The following RABGEF1 variants were observed in gnomAD, a reference collection of about 807,000 sequenced individuals.
The protein encoded by RABGEF1 is RAB guanine nucleotide exchange factor 1.
RABGEF1 carries 26 observed loss-of-function variants against 57.3 expected under a neutral mutation model. The ratio of observed to expected loss-of-function variants is 0.45; its 90% CI spans 0.33 to 0.63. The LOEUF is 0.63. RABGEF1 is among the 20% of genes least tolerant of loss of function. The pLI, the probability that RABGEF1 is intolerant of heterozygous loss-of-function variation, is 0.02. For missense variants in RABGEF1, 464 were observed against 607.6 expected, an observed-to-expected ratio of 0.76 and a Z score of 2.48; for synonymous variants, 185 against 210.7, an observed-to-expected ratio of 0.88 and a Z score of 1.06.
chr7:66,683,390 A>G (rs182896952), intron 1 of RABGEF1, among the ~76,000 whole-genome samples: 4 of 152,312 alleles, frequency 2.6e-5, no homozygotes, highest in Admixed American at 6.5e-5. Context: ...TGCTTTTAAG[A>G]GTTACTGATT....
intron 3 of RABGEF1, 72 bp from the exon 4 acceptor site, chr7:66,783,603 A>G (rs563426787): frequency 7.7e-7 from 1 of 1,294,914 alleles, no homozygotes; most frequent in Non-Finnish European, 1.0e-6. Context: ...AACCTTAGGT[A>G]AGATACTTAA....
chr7:66,723,064 GT>G (rs1021616625), intron 2 of RABGEF1, among the ~76,000 whole-genome samples: 8 of 152,208 alleles, frequency 5.3e-5, no homozygotes, highest in African/African-American at 1.9e-4. Context: ...CACCTCCTGA[GT>G]TCAAGCGATT....
At chr7:66,715,263 G>A (rs1562728283) in intron 2 of RABGEF1, among the ~76,000 whole-genome samples, 1 of 152,074 alleles carries the variant, frequency 6.6e-6, no homozygotes, top group Non-Finnish European at 1.5e-5. Context: ...GAGTAGCTGG[G>A]ACTACAGGTA....
rs781572110 is a variant in RABGEF1, at chr7:66,805,211, A to G, written c.892A>G (p.Ile298Val). The G allele has an allele frequency of 6.2e-7, 1 of 1,614,134 alleles. No individual in the cohort carries two copies. Among genetic ancestry groups the G allele is most frequent in the Admixed American group, 1.7e-5 (1 of 60,018 alleles). ...LACITKCSKH[I>V]FNAIKITKNE... Reference sequence around the variant, plus strand: ...CTGCATCACCAAGTGCAGCAAGCACATCTTCAATGCCATCAAGATCACCAA... The same window carrying G: ...CTGCATCACCAAGTGCAGCAAGCACGTCTTCAATGCCATCAAGATCACCAA... The change falls in exon 8 of 9, where the codon ATC becomes GTC. Residue 298 changes from isoleucine to valine, a missense_variant. Ile to Val is a conservative substitution (Grantham distance 29). Coordinates refer to ENST00000284957, the MANE Select transcript of RABGEF1 (RefSeq NM_014504.3).
chr7:66,758,251 C>T (rs758248518), intron 1 of RABGEF1, among the ~76,000 whole-genome samples: 1 of 152,132 alleles, frequency 6.6e-6, no homozygotes, highest in African/African-American at 2.4e-5. Context: ...GCATCCAGAG[C>T]CTTAAGAAAG....
intron 2 of RABGEF1, among the ~76,000 whole-genome samples, chr7:66,731,394 C>CT (rs1797293065): frequency 6.6e-6 from 1 of 152,108 alleles, no homozygotes; most frequent in Non-Finnish European, 1.5e-5. Context: ...GGTTGAGGCT[C>CT]TAAGAGCATG....
chr7:66,782,078 G>A (rs967570420), intron 3 of RABGEF1, among the ~76,000 whole-genome samples: 1 of 152,174 alleles, frequency 6.6e-6, no homozygotes, highest in East Asian at 1.9e-4. Flanking sequence ...ATTAGAGAAG[G>A]ATTCACTTTC....
intron 1 of RABGEF1, among the ~76,000 whole-genome samples, chr7:66,756,871 C>T (rs1290297416): frequency 6.6e-6 from 1 of 152,132 alleles, no homozygotes; most frequent in African/African-American, 2.4e-5. Flanking sequence ...TCCCCTCCTT[C>T]TTCTAACATT....
At chr7:66,749,978 A>C (rs1337856466) in intron 1 of RABGEF1, among the ~76,000 whole-genome samples, 1 of 152,124 alleles carries the variant, frequency 6.6e-6, no homozygotes, top group Non-Finnish European at 1.5e-5. Context: ...CATCTCAAAA[A>C]CAAACAAACA....
intron 2 of RABGEF1, among the ~76,000 whole-genome samples, chr7:66,734,743 A>C (rs765690941): frequency 6.0e-5 from 9 of 150,440 alleles, no homozygotes; most frequent in Non-Finnish European, 1.2e-4. Context: ...CCAAAGGAGC[A>C]CTCCTGTGGG....
intron 1 of RABGEF1, among the ~76,000 whole-genome samples, chr7:66,697,329 A>C (rs577321890): frequency 3.3e-5 from 5 of 152,144 alleles, no homozygotes. Flanking sequence ...GCGTCTCACA[A>C]GTCTTGCATT....
intron 6 of RABGEF1, among the ~76,000 whole-genome samples, chr7:66,798,381 A>G (rs1786509319): frequency 6.6e-6 from 1 of 152,194 alleles, no homozygotes; most frequent in Non-Finnish European, 1.5e-5. Context: ...TCGGAGTCCC[A>G]GGTTCCAGAC....
At chr7:66,677,429 A>G (rs1300476151), upstream of RABGEF1, among the ~76,000 whole-genome samples, 2 of 152,006 alleles carry the variant, frequency 1.3e-5, no homozygotes, top group Non-Finnish European at 2.9e-5. Flanking sequence ...GAAATCAGAA[A>G]CAAGACAAGT....
chr7:66,789,183 A>G (rs1584136091), intron 4 of RABGEF1, among the ~76,000 whole-genome samples: 1 of 152,150 alleles, frequency 6.6e-6, no homozygotes, highest in Non-Finnish European at 1.5e-5. Context: ...CTGCCACGTA[A>G]TTTACTGTCA....
At chr7:66,800,458 A>G (rs2077180) in intron 7 of RABGEF1, among the ~76,000 whole-genome samples, 23,987 of 152,036 alleles carry the variant, frequency 0.16, 2,227 homozygotes, top group East Asian at 0.29. Flanking sequence ...GTAAATTACT[A>G]GTTTCTGTAA....
upstream of RABGEF1, among the ~76,000 whole-genome samples, chr7:66,736,262 G>A (rs1438949086): frequency 6.6e-6 from 1 of 152,178 alleles, no homozygotes; most frequent in Non-Finnish European, 1.5e-5. Context: ...TTACTATGGA[G>A]CACAGCAGAA....
At chr7:66,680,440 C>G (rs372040491), upstream of RABGEF1, among the ~76,000 whole-genome samples, 1 of 151,938 alleles carries the variant, frequency 6.6e-6, no homozygotes, top group Admixed American at 6.6e-5. Context: ...GACAGGGTTT[C>G]TCTCTGTTGG....
At chr7:66,700,807 G>T (rs1004859780) in intron 1 of RABGEF1, among the ~76,000 whole-genome samples, 1 of 152,236 alleles carries the variant, frequency 6.6e-6, no homozygotes, top group African/African-American at 2.4e-5. Context: ...CCGAGGCCTG[G>T]ACACTCTCTG....
intron 1 of RABGEF1, among the ~76,000 whole-genome samples, chr7:66,769,356 G>A (rs1806523514): frequency 6.6e-6 from 1 of 152,210 alleles, no homozygotes; most frequent in Non-Finnish European, 1.5e-5. Context: ...TTTCATTTAT[G>A]CCTGACTTCC....
Sources: allele counts gnomAD v4.1 joint callset (sites outside exome capture counted in the v4.1 genomes callset), GRCh38; gene constraint gnomAD v4.1.1; transcripts MANE v1.5; gene names NCBI Gene and HGNC (gene_info 2026-07-23, HGNC 2026-07-21).